SOX5: variants seen among roughly 807,000 people sequenced by gnomAD.
SOX5 encodes the protein SRY-box transcription factor 5, also known as transcription factor SOX-5.
Under a neutral mutation model 92.0 loss-of-function variants are expected in SOX5, and 9 were observed. The ratio of observed to expected loss-of-function variants is 0.10; its 90% CI spans 0.06 to 0.17. The LOEUF is 0.17. Ranked by LOEUF, SOX5 falls within the 10% of genes least tolerant of loss-of-function variation. SOX5 has a pLI of 1.00. For missense variants in SOX5, 642 were observed against 944.5 expected (o/e 0.68, Z 4.20); for synonymous variants, 344 against 336.3 (o/e 1.02, Z -0.25).
chr12:23,872,850 A>C (rs1395961603), intron 2 of SOX5, among the ~76,000 whole-genome samples: 2 of 152,240 alleles, frequency 1.3e-5, no homozygotes, highest in Non-Finnish European at 1.5e-5. Context: ...TTAGGGAGCC[A>C]GGTTAGCCAG....
intron 3 of SOX5, among the ~76,000 whole-genome samples, chr12:23,786,805 C>T (rs1445621006): frequency 2.1e-5 from 3 of 145,740 alleles, no homozygotes; most frequent in African/African-American, 7.6e-5. Flanking sequence ...TAGGCAATGA[C>T]CAGCATCACT....
intron 1 of SOX5, among the ~76,000 whole-genome samples, chr12:24,397,724 T>A (rs1428443578): frequency 6.6e-6 from 1 of 151,882 alleles, no homozygotes; most frequent in Non-Finnish European, 1.5e-5. Context: ...ACATCACAAA[T>A]CCAGAAAAAA....
intron 3 of SOX5, among the ~76,000 whole-genome samples, chr12:23,759,033 ACACACAC>A (rs2094493715): frequency 1.0e-4 from 1 of 9,552 alleles, no homozygotes; most frequent in South Asian, 0.021. Flanking sequence ...ACACACAGAC[ACACACAC>A]ACACACACAC....
chr12:23,892,301 C>T (rs2097136976), intron 2 of SOX5, among the ~76,000 whole-genome samples: 2 of 151,832 alleles, frequency 1.3e-5, no homozygotes, highest in African/African-American at 4.8e-5. Context: ...AGAGAGTTTT[C>T]CAAGTAGAAA....
At chr12:24,088,645 C>G (rs1194300956) in intron 4 of SOX5, among the ~76,000 whole-genome samples, 3 of 151,358 alleles carry the variant, frequency 2.0e-5, no homozygotes, top group Non-Finnish European at 4.4e-5. Context: ...CTCTACTCAC[C>G]CTTTAATCAC....
chr12:23,956,640 C>G (rs1946317832), intron 4 of SOX5, among the ~76,000 whole-genome samples: 1 of 151,992 alleles, frequency 6.6e-6, no homozygotes, highest in African/African-American at 2.4e-5. Context: ...ACTAAGGGAG[C>G]CTCTATTACT....
chr12:23,982,263 C>A (rs144588713), intron 4 of SOX5, among the ~76,000 whole-genome samples: 1 of 152,292 alleles, frequency 6.6e-6, no homozygotes, highest in East Asian at 1.9e-4. Context: ...AGAATTTTCA[C>A]CCTCACCAGA....
chr12:23,690,200 T>C (rs1212420011), intron 6 of SOX5, among the ~76,000 whole-genome samples: 1 of 152,212 alleles, frequency 6.6e-6, no homozygotes, highest in African/African-American at 2.4e-5. Flanking sequence ...ATTGGCATTA[T>C]TTCATTCATC....
rs10670451 is a variant in SOX5 at position 23,765,411 on chromosome 12, A to AAAG, written c.482-9688_482-9687insCTT. ...AAAAAAAAAAAAAAAAAAAAAAAAAAGAGTTTTCCTTGGAAGTATTTTCAT... is the reference window on the plus strand; with the variant it reads ...AAAAAAAAAAAAAAAAAAAAAAAAAAAAGGAGTTTTCCTTGGAAGTATTTTCAT... On this transcript the variant is annotated intron_variant, in intron 3 of 14. Coordinates refer to ENST00000451604, the MANE Select transcript of SOX5 (RefSeq NM_006940.6). Among the ~76,000 whole-genome samples the AAAG allele has an allele frequency of 6.0e-5, 9 of 149,684 alleles. No homozygotes were observed. In the South Asian group the frequency reaches 1.9e-3, roughly 32 times the overall value.
At chr12:24,259,404 A>G (rs546785594) in intron 3 of SOX5, among the ~76,000 whole-genome samples, 4 of 152,354 alleles carry the variant, frequency 2.6e-5, no homozygotes, top group Non-Finnish European at 4.4e-5. Flanking sequence ...ACACAGTTCA[A>G]TGCATTGTTT....
At chr12:23,839,990 C>CAAAAAAAAAAAAAAAAAA (rs142394109) in intron 3 of SOX5, among the ~76,000 whole-genome samples, 1 of 121,858 alleles carries the variant, frequency 8.2e-6, no homozygotes, top group Non-Finnish European at 1.7e-5. Context: ...CTCAAGAAGA[C>CAAAAAAAAAAAAAAAAAA]AAAAAAAAAA....
chr12:23,599,552 T>C (rs1251354617), intron 9 of SOX5, among the ~76,000 whole-genome samples: 1 of 152,230 alleles, frequency 6.6e-6, no homozygotes, highest in African/African-American at 2.4e-5. Context: ...AACTGACTGT[T>C]CTTGGCTGCT....
chr12:24,293,577 T>C (rs143934235), intron 2 of SOX5, among the ~76,000 whole-genome samples: 81 of 151,992 alleles, frequency 5.3e-4, no homozygotes, highest in South Asian at 1.2e-3. Flanking sequence ...GGACTGGTTA[T>C]GCAGTTTATA....
intron 3 of SOX5, among the ~76,000 whole-genome samples, chr12:23,806,582 T>TA (rs35340250): frequency 7.2e-3 from 502 of 69,604 alleles, no homozygotes; most frequent in East Asian, 0.026. Flanking sequence ...CTTTTTCCAC[T>TA]AAAAAAAAAA....
intron 2 of SOX5, among the ~76,000 whole-genome samples, chr12:24,316,680 T>C (rs965017139): frequency 6.6e-6 from 1 of 152,244 alleles, no homozygotes; most frequent in South Asian, 2.1e-4. Flanking sequence ...GCCAACTATA[T>C]TTAAATTCCA....
At position 23,534,444 on chromosome 12, in the gene SOX5, A is replaced by G; in HGVS notation, c.2067T>C (p.Pro689=). Residue 689 remains proline (P), a synonymous_variant, in exon 15 of 15, where the codon CCT becomes CCC. Coordinates refer to ENST00000451604, the MANE Select transcript of SOX5 (RefSeq NM_006940.6). Reference sequence around the variant, plus strand: ...CGCTTGAGTGCTCCGAGGGCAGGTGAGGGGAGGGCATCCCAGCCATGGCGA... The same window carrying G: ...CGCTTGAGTGCTCCGAGGGCAGGTGGGGGGAGGGCATCCCAGCCATGGCGA... ...GAIAMAGMPS[P]HLPSEHSSVS... 1 of 1,614,030 alleles carries G rather than the reference A, an allele frequency of 6.2e-7. No individual in the cohort carries two copies. The highest frequency in any genetic ancestry group is 2.2e-5 in the East Asian group (1 of 44,856).
intron 4 of SOX5, among the ~76,000 whole-genome samples, chr12:24,199,952 CA>C: frequency 6.6e-6 from 1 of 152,064 alleles, no homozygotes; most frequent in South Asian, 2.1e-4. Context: ...AAAAAAAAAT[CA>C]GTAGAATCTT....
intron 1 of SOX5, among the ~76,000 whole-genome samples, chr12:24,558,750 C>T (rs146492201): frequency 8.3e-4 from 126 of 152,226 alleles, no homozygotes; most frequent in African/African-American, 2.8e-3. Flanking sequence ...TGATTATTTA[C>T]GTTACATCAC....
chr12:24,547,250 G>GGCGCAATCTCGGCTCAAT (rs1463438500), intron 1 of SOX5, among the ~76,000 whole-genome samples: 2 of 147,816 alleles, frequency 1.4e-5, no homozygotes, highest in African/African-American at 5.0e-5. Flanking sequence ...GGACTGCAGT[G>GGCGCAATCTCGGCTCAAT]GCGCAATCTC....
Sources: allele counts gnomAD v4.1 joint callset (sites outside exome capture counted in the v4.1 genomes callset), GRCh38; gene constraint gnomAD v4.1.1; transcripts MANE v1.5; gene names NCBI Gene and HGNC (gene_info 2026-07-23, HGNC 2026-07-21).